The following LHFPL3 variants were observed in gnomAD, a reference collection of about 807,000 sequenced individuals.
The protein encoded by LHFPL3 is LHFPL tetraspan subfamily member 3, also known as LHFPL tetraspan subfamily member 3 protein.
In LHFPL3, 5 loss-of-function variants were observed where a neutral mutation model predicts 19.3. The ratio of observed to expected loss-of-function variants is 0.26; its 90% confidence interval spans 0.14 to 0.54. The LOEUF is 0.54. LHFPL3 is among the 20% of genes least tolerant of loss of function. The pLI, the probability that LHFPL3 is intolerant of heterozygous loss-of-function variation, is 0.94. For missense variants in LHFPL3, 249 were observed against 307.4 expected, an observed-to-expected ratio of 0.81 and a Z score of 1.42; for synonymous variants, 133 against 126.2, an observed-to-expected ratio of 1.05 and a Z score of -0.36.
intron 1 of LHFPL3, among the ~76,000 whole-genome samples, chr7:104,706,494 C>G (rs150937971): frequency 6.6e-6 from 1 of 152,294 alleles, no homozygotes; most frequent in Non-Finnish European, 1.5e-5. Context: ...GTCCTACATG[C>G]AAGACAGTTG....
At chr7:104,407,382 C>T (rs1410733360) in intron 1 of LHFPL3, among the ~76,000 whole-genome samples, 1 of 152,166 alleles carries the variant, frequency 6.6e-6, no homozygotes, top group Non-Finnish European at 1.5e-5. Flanking sequence ...TCTGGCTGGG[C>T]GTGGTGGCTC....
At chr7:104,677,920 G>A (rs1336617657) in intron 1 of LHFPL3, among the ~76,000 whole-genome samples, 1 of 152,220 alleles carries the variant, frequency 6.6e-6, no homozygotes, top group Non-Finnish European at 1.5e-5. Flanking sequence ...GGAACCACGT[G>A]CAGAAATGGC....
chr7:104,567,170 T>G (rs546867160), intron 1 of LHFPL3, among the ~76,000 whole-genome samples: 6 of 152,360 alleles, frequency 3.9e-5, no homozygotes, highest in African/African-American at 1.4e-4. Flanking sequence ...CCAATGTGAT[T>G]CCTAGTGATT....
At chr7:104,538,037 ACTCTGAACTTCAG>A (rs1371613069) in intron 1 of LHFPL3, among the ~76,000 whole-genome samples, 1 of 152,100 alleles carries the variant, frequency 6.6e-6, no homozygotes, top group Non-Finnish European at 1.5e-5. Flanking sequence ...TAGAAAAAAA[ACTCTGAACTTCAG>A]GTTTCAGTTC....
At chr7:104,359,516 T>C (rs1790350548) in intron 1 of LHFPL3, among the ~76,000 whole-genome samples, 2 of 152,264 alleles carry the variant, frequency 1.3e-5, no homozygotes, top group Non-Finnish European at 2.9e-5. Context: ...TTTAATTTGA[T>C]GTGGTCTTTT....
intron 1 of LHFPL3, among the ~76,000 whole-genome samples, chr7:104,442,265 T>C (rs1264768258): frequency 6.6e-6 from 1 of 152,040 alleles, no homozygotes; most frequent in Non-Finnish European, 1.5e-5. Context: ...TGCTGCTGAA[T>C]TGTAGTGGTT....
intron 1 of LHFPL3, among the ~76,000 whole-genome samples, chr7:104,390,938 T>A (rs936184250): frequency 1.3e-5 from 2 of 152,272 alleles, no homozygotes; most frequent in African/African-American, 4.8e-5. Context: ...TGGCCAGTGA[T>A]GATGAGCATT....
chr7:104,358,478 G>A (rs1034021980), intron 1 of LHFPL3, among the ~76,000 whole-genome samples: 2 of 152,164 alleles, frequency 1.3e-5, no homozygotes, highest in African/African-American at 4.8e-5. Context: ...ACCTGTTTTT[G>A]ACAAGTGCCA....
intron 2 of LHFPL3, chr7:104,826,804 T>C (rs1346701879): frequency 1.3e-5 from 2 of 158,220 alleles, no homozygotes; most frequent in East Asian, 1.7e-4. Flanking sequence ...TAGAGCTCTC[T>C]CTACTTTGGT....
intron 1 of LHFPL3, among the ~76,000 whole-genome samples, chr7:104,373,671 G>A (rs1030810661): frequency 3.3e-5 from 5 of 152,030 alleles, no homozygotes; most frequent in Admixed American, 1.3e-4. Context: ...TCAGAAAGGC[G>A]GGAAAAACTC....
intron 2 of LHFPL3, among the ~76,000 whole-genome samples, chr7:104,773,867 C>T (rs560877500): frequency 2.8e-4 from 43 of 152,344 alleles, no homozygotes; most frequent in African/African-American, 9.9e-4. Context: ...ACCAACCCTG[C>T]GGACACCGTG....
chr7:104,639,120 C>T (rs1272149536), intron 1 of LHFPL3, among the ~76,000 whole-genome samples: 1 of 152,060 alleles, frequency 6.6e-6, no homozygotes, highest in African/African-American at 2.4e-5. Flanking sequence ...AGAATTTTTA[C>T]ATCAATATTT....
At chr7:104,642,255 C>G (rs1791851044) in intron 1 of LHFPL3, among the ~76,000 whole-genome samples, 1 of 151,966 alleles carries the variant, frequency 6.6e-6, no homozygotes. Context: ...CCAGACTGGT[C>G]TCGAACTCCT....
At chr7:104,565,876 C>G (rs907388465) in intron 1 of LHFPL3, among the ~76,000 whole-genome samples, 1 of 152,100 alleles carries the variant, frequency 6.6e-6, no homozygotes, top group African/African-American at 2.4e-5. Flanking sequence ...GGCTCCCATC[C>G]TGGAGTAACC....
At chr7:104,626,429 A>T (rs1385961634) in intron 1 of LHFPL3, among the ~76,000 whole-genome samples, 1 of 152,174 alleles carries the variant, frequency 6.6e-6, no homozygotes, top group African/African-American at 2.4e-5. Context: ...TAGCATAATT[A>T]CCTCCACTCC....
intron 2 of LHFPL3, among the ~76,000 whole-genome samples, chr7:104,767,030 T>C (rs2116386655): frequency 6.6e-6 from 1 of 152,348 alleles, no homozygotes; most frequent in Non-Finnish European, 1.5e-5. Context: ...TTTAAAAAGC[T>C]GAAAGAATCA....
At chr7:104,652,181 C>T (rs1038176104) in intron 1 of LHFPL3, among the ~76,000 whole-genome samples, 8 of 152,080 alleles carry the variant, frequency 5.3e-5, no homozygotes, top group African/African-American at 1.9e-4. Flanking sequence ...GGGATGTCCA[C>T]AGACACTCAA....
chr7:104,430,269 A>C (rs117087666), intron 1 of LHFPL3, among the ~76,000 whole-genome samples: 621 of 148,646 alleles, frequency 4.2e-3, no homozygotes, highest in Non-Finnish European at 7.2e-3. Context: ...GTATGGACCA[A>C]GACAAGGACT....
chr7:104,514,889 T>C (rs1562922051), intron 1 of LHFPL3, among the ~76,000 whole-genome samples: 2 of 152,200 alleles, frequency 1.3e-5, no homozygotes, highest in Non-Finnish European at 2.9e-5. Flanking sequence ...TTGTAGGATC[T>C]TATGAAGCAA....
Sources: allele counts gnomAD v4.1 joint callset (sites outside exome capture counted in the v4.1 genomes callset), GRCh38; gene constraint gnomAD v4.1.1; transcripts MANE v1.5; gene names NCBI Gene and HGNC (gene_info 2026-07-23, HGNC 2026-07-21).